PPA2: variants seen among roughly 807,000 people sequenced by gnomAD.
The protein encoded by PPA2 is inorganic pyrophosphatase 2, mitochondrial.
A neutral mutation model predicts 49.5 loss-of-function variants in PPA2; 48 were observed. The ratio of observed to expected loss-of-function variants is 0.97; its 90% CI spans 0.77 to 1.23. The LOEUF is 1.23. Ranked by LOEUF, PPA2 falls within the 50% of genes most tolerant of loss-of-function variation. PPA2 has a pLI of 0.00. For missense variants in PPA2, 429 were observed against 410.1 expected (o/e 1.05, Z -0.40); for synonymous variants, 131 against 139.9 (o/e 0.94, Z 0.45).
intron 7 of PPA2, among the ~76,000 whole-genome samples, chr4:105,400,412 C>T (rs1228481618): frequency 3.9e-5 from 6 of 151,984 alleles, no homozygotes; most frequent in African/African-American, 1.4e-4. Flanking sequence ...TTGGGATCAC[C>T]TGAGGTCAGG....
At chr4:105,418,956 A>C (rs1723129096) in intron 7 of PPA2, among the ~76,000 whole-genome samples, 2 of 152,196 alleles carry the variant, frequency 1.3e-5, no homozygotes, top group East Asian at 3.8e-4. Context: ...CAATCTTCTT[A>C]AAAAGCTCTA....
At chr4:105,450,389 T>TC (rs1722614208) in intron 3 of PPA2, among the ~76,000 whole-genome samples, 2 of 151,496 alleles carry the variant, frequency 1.3e-5, no homozygotes, top group Admixed American at 6.6e-5. Flanking sequence ...TTTTTTTTTT[T>TC]CTCCCAAGAC....
At chr4:105,380,672 C>T (rs908584444) in intron 10 of PPA2, among the ~76,000 whole-genome samples, 31 of 152,004 alleles carry the variant, frequency 2.0e-4, no homozygotes, top group South Asian at 1.2e-3. Flanking sequence ...TAACTTCTGG[C>T]CACCGTGCTG....
Position 105,470,126 on chromosome 4 carries a change from T to C in PPA2, c.157+3768A>G, listed in dbSNP as rs1359938448. 2.6e-5 allele frequency among the ~76,000 whole-genome samples: 4 copies of C among 152,238 alleles called. No individual in the cohort carries two copies. The East Asian group carries it at 7.7e-4, about 29-fold the overall frequency. ...ACAAAATTCCTAATTATGGAAAGCA[T>C]AGCTTTTCCCTATCCTATGAGAACA... On this transcript the variant is annotated intron_variant, in intron 1 of 11. Coordinates refer to ENST00000341695, the MANE Select transcript of PPA2 (RefSeq NM_176869.3).
chr4:105,401,531 C>T (rs990610203), intron 7 of PPA2, among the ~76,000 whole-genome samples: 2 of 152,004 alleles, frequency 1.3e-5, no homozygotes, highest in African/African-American at 4.8e-5. Context: ...TTTGTGCAAC[C>T]ATCAACACTA....
At chr4:105,376,116 G>A (rs1291654713) in intron 10 of PPA2, among the ~76,000 whole-genome samples, 1 of 152,082 alleles carries the variant, frequency 6.6e-6, no homozygotes, top group Non-Finnish European at 1.5e-5. Context: ...TCCTTCACCC[G>A]GATTCATCTT....
At chr4:105,389,409 G>A (rs1216000544) in intron 9 of PPA2, among the ~76,000 whole-genome samples, 1 of 148,254 alleles carries the variant, frequency 6.7e-6, no homozygotes, top group African/African-American at 2.5e-5. Flanking sequence ...TTAAAGGAGG[G>A]ATGACTAAGC....
At chr4:105,403,903 CTTTT>C (rs542664794) in intron 7 of PPA2, among the ~76,000 whole-genome samples, 1 of 144,294 alleles carries the variant, frequency 6.9e-6, no homozygotes, top group Non-Finnish European at 1.5e-5. Flanking sequence ...TCTTTCTACT[CTTTT>C]TTTTTTTTTG....
At chr4:105,448,866 C>T (rs1722530805) in intron 4 of PPA2, among the ~76,000 whole-genome samples, 1 of 151,564 alleles carries the variant, frequency 6.6e-6, no homozygotes, top group Non-Finnish European at 1.5e-5. Context: ...GAAAAAAAAA[C>T]TCTCTATAAA....
intron 6 of PPA2, among the ~76,000 whole-genome samples, chr4:105,430,559 C>G (rs938675668): frequency 6.6e-6 from 1 of 152,204 alleles, no homozygotes; most frequent in Non-Finnish European, 1.5e-5. Context: ...ATCAACACTA[C>G]GTGCATCATT....
At chr4:105,372,022 C>T (rs144876256) in intron 10 of PPA2, among the ~76,000 whole-genome samples, 53 of 152,288 alleles carry the variant, frequency 3.5e-4, no homozygotes, top group African/African-American at 1.1e-3. Context: ...AGCCACCCAC[C>T]GGCCCCTGCA....
chr4:105,406,166 G>C (rs1374977140), intron 7 of PPA2, among the ~76,000 whole-genome samples: 1 of 143,606 alleles, frequency 7.0e-6, no homozygotes, highest in African/African-American at 2.6e-5. Context: ...AAATCAGGTA[G>C]ATTTAACAGC....
intron 9 of PPA2, among the ~76,000 whole-genome samples, chr4:105,393,314 C>T (rs1203707958): frequency 6.6e-6 from 1 of 151,458 alleles, no homozygotes; most frequent in Non-Finnish European, 1.5e-5. Context: ...AGCAACATAG[C>T]GAGACCCTGT....
At chr4:105,396,950 C>T (rs1734174578) in intron 8 of PPA2, among the ~76,000 whole-genome samples, 1 of 152,166 alleles carries the variant, frequency 6.6e-6, no homozygotes, top group African/African-American at 2.4e-5. Flanking sequence ...AGACTATCCA[C>T]TGTCTGAAAG....
chr4:105,454,717 T>C (rs1485775196), intron 2 of PPA2, among the ~76,000 whole-genome samples: 1 of 152,192 alleles, frequency 6.6e-6, no homozygotes, highest in Admixed American at 6.5e-5. Context: ...GGGAAACCTA[T>C]TTACACAACC....
intron 3 of PPA2, among the ~76,000 whole-genome samples, chr4:105,451,783 C>A (rs751723185): frequency 1.3e-5 from 2 of 152,206 alleles, no homozygotes; most frequent in Non-Finnish European, 2.9e-5. Flanking sequence ...AGCCTGCAAA[C>A]CACATTCTCC....
At chr4:105,428,483 TAA>T (rs368350191) in intron 6 of PPA2, among the ~76,000 whole-genome samples, 3 of 147,482 alleles carry the variant, frequency 2.0e-5, no homozygotes, top group Admixed American at 6.8e-5. Flanking sequence ...CAGATAGGCT[TAA>T]AATAAAGGGA....
intron 9 of PPA2, among the ~76,000 whole-genome samples, chr4:105,393,999 GA>G (rs1456496956): frequency 6.6e-6 from 1 of 152,094 alleles, no homozygotes; most frequent in African/African-American, 2.4e-5. Flanking sequence ...CTTATATTCT[GA>G]AAATTCTTAA....
chr4:105,442,809 TCTAAGTACACAGTTGG>T (rs1724427264), intron 5 of PPA2, among the ~76,000 whole-genome samples: 1 of 152,208 alleles, frequency 6.6e-6, no homozygotes, highest in Non-Finnish European at 1.5e-5. Context: ...TAAATGTTCT[TCTAAGTACACAGTTGG>T]CTCAGTAACT....
Sources: gnomAD v4.1 joint callset for allele counts (sites outside exome capture counted in the v4.1 genomes callset) on GRCh38, gnomAD v4.1.1 for gene constraint, MANE v1.5 for transcripts, NCBI Gene and HGNC (gene_info 2026-07-23, HGNC 2026-07-21) for gene names.